The following NLRC4 variants were observed in gnomAD, a reference collection of about 807,000 sequenced individuals.
NLRC4 encodes the protein NLR family CARD domain containing 4.
A neutral mutation model predicts 79.9 loss-of-function variants in NLRC4; 63 were observed. That is an observed-to-expected ratio of 0.79 (90% CI 0.64 to 0.97). The LOEUF (loss-of-function observed/expected upper bound fraction) is 0.97. Among genes scored for constraint, NLRC4 ranks in the 50% least tolerant of loss-of-function variants. The probability of loss-of-function intolerance (pLI) is 0.00; values close to 1 mark genes in which losing one functional copy is unlikely to be tolerated. For synonymous variants in NLRC4, 461 were observed against 456.5 expected, an observed-to-expected ratio of 1.01 and a Z score of -0.12; for missense variants, 1,074 against 1,215.2, an observed-to-expected ratio of 0.88 and a Z score of 1.73.
At chr2:32,245,304 CCTT>C (rs1304954510) in intron 4 of NLRC4, among the ~76,000 whole-genome samples, 122 of 116,996 alleles carry the variant, frequency 1.0e-3, no homozygotes, top group African/African-American at 3.8e-3. Flanking sequence ...GAGTGAGACT[CCTT>C]CTCAAAAAAA....
chr2:32,243,809 A>AAG (rs1686863653), intron 4 of NLRC4, among the ~76,000 whole-genome samples: 1 of 152,072 alleles, frequency 6.6e-6, no homozygotes, highest in African/African-American at 2.4e-5. Context: ...AAAAAAAAAA[A>AAG]AAAGAATATT....
At chr2:32,231,249 G>A (rs1160222235) in intron 8 of NLRC4, among the ~76,000 whole-genome samples, 1 of 151,890 alleles carries the variant, frequency 6.6e-6, no homozygotes, top group Non-Finnish European at 1.5e-5. Context: ...CTGCCTCCAG[G>A]ATTCAAGCAA....
intron 5 of NLRC4, among the ~76,000 whole-genome samples, chr2:32,239,246 A>C (rs1166480414): frequency 6.6e-6 from 1 of 152,178 alleles, no homozygotes; most frequent in Non-Finnish European, 1.5e-5. Context: ...TCACCACTGC[A>C]CTCCAGCCTG....
chr2:32,244,509 A>G (rs962137527), intron 4 of NLRC4, among the ~76,000 whole-genome samples: 16 of 152,172 alleles, frequency 1.1e-4, no homozygotes, highest in African/African-American at 3.9e-4. Context: ...TCACTATTCA[A>G]CATTGTACTA....
intron 3 of NLRC4, among the ~76,000 whole-genome samples, chr2:32,252,033 C>A (rs941051565): frequency 6.6e-6 from 1 of 152,138 alleles, no homozygotes; most frequent in Non-Finnish European, 1.5e-5. Context: ...GTCAGTCAGG[C>A]TGTCTTTACC....
chr2:32,244,987 C>T (rs372481425), intron 4 of NLRC4, among the ~76,000 whole-genome samples: 11 of 151,554 alleles, frequency 7.3e-5, no homozygotes, highest in African/African-American at 2.2e-4. Flanking sequence ...GTGGTCCCAG[C>T]GACTTAGGAG....
At chr2:32,239,243 T>C (rs1233062741) in intron 5 of NLRC4, among the ~76,000 whole-genome samples, 1 of 152,142 alleles carries the variant, frequency 6.6e-6, no homozygotes, top group Non-Finnish European at 1.5e-5. Flanking sequence ...ATCTCACCAC[T>C]GCACTCCAGC....
At chr2:32,244,162 A>AGGC (rs1193025496) in intron 4 of NLRC4, among the ~76,000 whole-genome samples, 21 of 152,148 alleles carry the variant, frequency 1.4e-4, no homozygotes, top group Non-Finnish European at 2.8e-4. Context: ...AGGTGGGTGG[A>AGGC]TCTGTTGAGC....
intron 4 of NLRC4, among the ~76,000 whole-genome samples, chr2:32,242,476 C>T (rs564298863): frequency 6.6e-5 from 10 of 152,192 alleles, no homozygotes; most frequent in African/African-American, 9.6e-5. Context: ...AGTAGGTAAC[C>T]GGAATAACCT....
intron 8 of NLRC4, among the ~76,000 whole-genome samples, chr2:32,231,950 A>G (rs1326884194): frequency 6.6e-6 from 1 of 152,152 alleles, no homozygotes; most frequent in Non-Finnish European, 1.5e-5. Flanking sequence ...TAGGTTCCTC[A>G]TGCTTATGAC....
chr2:32,230,471 ATTT>A (rs58666767), intron 8 of NLRC4, among the ~76,000 whole-genome samples: 5 of 126,656 alleles, frequency 3.9e-5, no homozygotes, highest in Admixed American at 8.2e-5. Context: ...AGCCCCCGCT[ATTT>A]TTTTTTTTTT....
intron 8 of NLRC4, among the ~76,000 whole-genome samples, chr2:32,228,136 T>C (rs922988495): frequency 1.3e-5 from 2 of 152,174 alleles, no homozygotes; most frequent in African/African-American, 2.4e-5. Flanking sequence ...TAAATGGGCT[T>C]ACAAAATAGT....
rs148111797 is a variant in NLRC4 at position 32,246,056 on chromosome 2, T to C, written c.2257+3551A>G. Among the ~76,000 whole-genome samples the C allele has an allele frequency of 6.7e-3, 1,017 of 152,220 alleles. 16 individuals are homozygous for C. Among genetic ancestry groups the C allele is most frequent in the African/African-American group, 0.024 (981 of 41,536 alleles). ...AAAATTAGCCAGGTGTGGTGGTGCA[T>C]GCCTGTAATCCCAGCTACTTGGGAT... On this transcript the variant is annotated intron_variant, in intron 4 of 8. Transcript: ENST00000402280.
intron 4 of NLRC4, among the ~76,000 whole-genome samples, chr2:32,242,161 C>A (rs1037443881): frequency 6.6e-6 from 1 of 152,038 alleles, no homozygotes; most frequent in Non-Finnish European, 1.5e-5. Context: ...GCGTGAGCCA[C>A]CATGCCCAGC....
chr2:32,258,029 C>G (rs980903006), intron 1 of NLRC4, among the ~76,000 whole-genome samples: 1 of 152,076 alleles, frequency 6.6e-6, no homozygotes, highest in East Asian at 1.9e-4. Context: ...CTTGGTGTAC[C>G]GGAGGAATTG....
Position 32,250,570 on chromosome 2 carries a change from C to T in NLRC4, c.1294G>A (p.Ala432Thr), listed in dbSNP as rs138520739. 2 of 1,614,058 alleles carry T rather than the reference C, an allele frequency of 1.2e-6. No individual in the cohort carries two copies. Among genetic ancestry groups the T allele is most frequent in the Non-Finnish European group, 1.7e-6 (2 of 1,180,024 alleles). Reference sequence around the variant, plus strand: ...TTATACTTTGGCTTGAACCTTTGAGCTGTATATTTACAGAGGAGCCCAGTT... The same window carrying T: ...TTATACTTTGGCTTGAACCTTTGAGTTGTATATTTACAGAGGAGCCCAGTT... ...LTTGLLCKYT[A>T]QRFKPKYKFF... The change falls in exon 4 of 9, where the codon GCT becomes ACT. Residue 432 changes from alanine to threonine, a missense_variant. Transcript: ENST00000402280. The surrounding 1 kb of genome is among the most constrained non-coding windows in gnomAD (Gnocchi z 4.9).
intron 5 of NLRC4, among the ~76,000 whole-genome samples, chr2:32,240,026 G>T (rs1686758920): frequency 6.6e-6 from 1 of 152,176 alleles, no homozygotes; most frequent in South Asian, 2.1e-4. Flanking sequence ...TGTCACCGAG[G>T]CTGGAGTGCA....
At chr2:32,255,212 A>G (rs534874737) in intron 2 of NLRC4, among the ~76,000 whole-genome samples, 1 of 151,982 alleles carries the variant, frequency 6.6e-6, no homozygotes, top group Non-Finnish European at 1.5e-5. Context: ...TGTGATCTTC[A>G]GTTTAGAGCT....
intron 2 of NLRC4, 142 bp downstream of exon 2, chr2:32,256,633 T>C: frequency 1.5e-6 from 1 of 656,336 alleles, no homozygotes; most frequent in Non-Finnish European, 2.8e-6. Context: ...GTAACTGAAT[T>C]CCTAAAACAA....
Sources: allele counts gnomAD v4.1 joint callset (sites outside exome capture counted in the v4.1 genomes callset), GRCh38; gene constraint gnomAD v4.1.1; non-coding constraint Gnocchi (gnomAD v3.1); transcripts MANE v1.5; gene names NCBI Gene and HGNC (gene_info 2026-07-23, HGNC 2026-07-21).